The following SHC3 variants were observed in gnomAD, a reference collection of about 807,000 sequenced individuals.
SHC3 encodes the protein SHC adaptor protein 3, also known as SHC-transforming protein 3.
In SHC3, 15 loss-of-function variants were observed where a neutral mutation model predicts 60.4. That is an observed-to-expected ratio of 0.25 (90% CI 0.17 to 0.38). The LOEUF (loss-of-function observed/expected upper bound fraction) is 0.38, where lower values mean the gene tolerates loss of function less well. Ranked by LOEUF, SHC3 falls within the 10% of genes least tolerant of loss-of-function variation. The pLI is 1.00. For missense variants in SHC3, 677 were observed against 786.1 expected (o/e 0.86, Z 1.66); for synonymous variants, 294 against 325.9 (o/e 0.90, Z 1.05).
At chr9:89,136,258 T>C (rs928910075) in intron 1 of SHC3, among the ~76,000 whole-genome samples, 12 of 152,148 alleles carry the variant, frequency 7.9e-5, no homozygotes, top group African/African-American at 2.9e-4. Context: ...CCAGATCAAC[T>C]TCATCTTGAA....
intron 1 of SHC3, among the ~76,000 whole-genome samples, chr9:89,114,817 C>A (rs17054737): frequency 0.11 from 16,064 of 152,134 alleles, 952 homozygotes; most frequent in Admixed American, 0.14. Context: ...ACCTCATCCA[C>A]AATTACATGT....
intron 1 of SHC3, among the ~76,000 whole-genome samples, chr9:89,170,756 T>C (rs1826857779): frequency 6.6e-6 from 1 of 152,190 alleles, no homozygotes; most frequent in African/African-American, 2.4e-5. Flanking sequence ...AAATTAAAAA[T>C]AACACAAATC....
intron 1 of SHC3, among the ~76,000 whole-genome samples, chr9:89,152,250 A>T (rs1465813609): frequency 6.6e-6 from 1 of 152,216 alleles, no homozygotes; most frequent in Non-Finnish European, 1.5e-5. Context: ...TGAATTGGGC[A>T]TCTCTTTAAG....
At chr9:89,033,679 C>A (rs1824527792) in intron 11 of SHC3, among the ~76,000 whole-genome samples, 1 of 152,086 alleles carries the variant, frequency 6.6e-6, no homozygotes, top group Non-Finnish European at 1.5e-5. Flanking sequence ...AGTTTGCTAC[C>A]CTCATGGGGA....
At chr9:89,018,711 T>TTA (rs1257354148) in intron 11 of SHC3, among the ~76,000 whole-genome samples, 1 of 150,590 alleles carries the variant, frequency 6.6e-6, no homozygotes, top group African/African-American at 2.4e-5. Context: ...TTTTTTTTTT[T>TTA]AAAGAAAACC....
At chr9:89,064,737 A>G (rs2117976511) in intron 6 of SHC3, among the ~76,000 whole-genome samples, 1 of 152,220 alleles carries the variant, frequency 6.6e-6, no homozygotes, top group South Asian at 2.1e-4. Flanking sequence ...ATAGCATTGG[A>G]GGGTAAGGTA....
At chr9:89,137,678 G>A (rs1826337959) in intron 1 of SHC3, among the ~76,000 whole-genome samples, 1 of 152,174 alleles carries the variant, frequency 6.6e-6, no homozygotes, top group Non-Finnish European at 1.5e-5. Context: ...TGGAGACAGA[G>A]TTCCTGTAAC....
rs754404754 is a variant in SHC3 at position 89,112,618 on chromosome 9, C to A, written c.483G>T (p.Gly161=). The A allele has an allele frequency of 1.3e-6, 2 of 1,590,020 alleles. No homozygotes were observed. The highest frequency in any genetic ancestry group is 2.3e-5 in the East Asian group (1 of 43,130). Residue 161 remains glycine, a synonymous_variant, in exon 2 of 12, where the codon GGG becomes GGT. Transcript: ENST00000375835. ...TCATTGAGCGCAGAACTTCAATGCA[C>A]CCCAAGTACTGCAAGGGGAAAAAAT... ...PGVTYVVKYL[G]CIEVLRSMRS... is the part of the protein sequence containing the mutation.
intron 1 of SHC3, among the ~76,000 whole-genome samples, chr9:89,152,671 A>C (rs1826561357): frequency 6.6e-6 from 1 of 152,246 alleles, no homozygotes; most frequent in Non-Finnish European, 1.5e-5. Context: ...TGATTCAGTA[A>C]TGTTAAAATT....
intron 1 of SHC3, among the ~76,000 whole-genome samples, chr9:89,169,657 G>A (rs998024050): frequency 1.1e-4 from 16 of 151,724 alleles, no homozygotes; most frequent in African/African-American, 3.9e-4. Context: ...AGAGCAACAG[G>A]CAAAACCCGA....
intron 1 of SHC3, among the ~76,000 whole-genome samples, chr9:89,117,000 G>T (rs1296711958): frequency 6.6e-6 from 1 of 152,142 alleles, no homozygotes; most frequent in East Asian, 1.9e-4. Flanking sequence ...TCTGTCATAG[G>T]GTTATGTTAA....
At chr9:89,039,702 TCAC>T (rs1365622176) in intron 10 of SHC3, among the ~76,000 whole-genome samples, 1 of 151,726 alleles carries the variant, frequency 6.6e-6, no homozygotes, top group African/African-American at 2.4e-5. Flanking sequence ...ACCATCATTG[TCAC>T]CACCATCACT....
chr9:89,167,553 C>T (rs1826807933), intron 1 of SHC3, among the ~76,000 whole-genome samples: 1 of 152,200 alleles, frequency 6.6e-6, no homozygotes. Flanking sequence ...GTCCCAGGCC[C>T]TCCCAGCTCA....
At chr9:89,084,369 A>G (rs1202225315) in intron 2 of SHC3, among the ~76,000 whole-genome samples, 1 of 152,242 alleles carries the variant, frequency 6.6e-6, no homozygotes, top group Non-Finnish European at 1.5e-5. Flanking sequence ...ATATATTCAC[A>G]TAAAAGCCCA....
chr9:89,016,334 C>A (rs1200707958), intron 11 of SHC3, among the ~76,000 whole-genome samples: 2 of 152,042 alleles, frequency 1.3e-5, no homozygotes, highest in Non-Finnish European at 2.9e-5. Flanking sequence ...ACAATATTCC[C>A]AACATATGAT....
chr9:89,019,005 A>G (rs1826152787), intron 11 of SHC3, among the ~76,000 whole-genome samples: 1 of 151,228 alleles, frequency 6.6e-6, no homozygotes. Flanking sequence ...GCTGCGGTGA[A>G]CTGAGATCAT....
At chr9:89,155,232 A>G (rs1268155490) in intron 1 of SHC3, among the ~76,000 whole-genome samples, 1 of 152,084 alleles carries the variant, frequency 6.6e-6, no homozygotes, top group East Asian at 1.9e-4. Flanking sequence ...CAGACTCAAT[A>G]CAAGCCTCCA....
chr9:89,107,373 C>T (rs903647594), intron 2 of SHC3, among the ~76,000 whole-genome samples: 18 of 152,206 alleles, frequency 1.2e-4, no homozygotes, highest in Non-Finnish European at 2.2e-4. Context: ...CCCTGCACCC[C>T]TATGTCTAAT....
chr9:89,126,594 C>T (rs1052410248), intron 1 of SHC3, among the ~76,000 whole-genome samples: 2 of 152,196 alleles, frequency 1.3e-5, no homozygotes, highest in African/African-American at 4.8e-5. Context: ...ACTCTTGATT[C>T]AGCATTTCTG....
Sources: gnomAD v4.1 joint callset for allele counts (sites outside exome capture counted in the v4.1 genomes callset) on GRCh38, gnomAD v4.1.1 for gene constraint, MANE v1.5 for transcripts, NCBI Gene and HGNC (gene_info 2026-07-23, HGNC 2026-07-21) for gene names.